TTC23L: variants seen among roughly 807,000 people sequenced by gnomAD.
The protein encoded by TTC23L is tetratricopeptide repeat protein 23-like.
Under a neutral mutation model 48.1 loss-of-function variants are expected in TTC23L, and 42 were observed. The observed-to-expected ratio is 0.87, with a 90% confidence interval of 0.68 to 1.13. The LOEUF is 1.13. TTC23L is among the 50% of genes most tolerant of loss of function. The pLI is 0.00. For missense variants in TTC23L, 391 were observed against 421.0 expected (o/e 0.93, Z 0.62); for synonymous variants, 159 against 157.2 (o/e 1.01, Z -0.09).
intron 9 of TTC23L, among the ~76,000 whole-genome samples, chr5:34,893,402 A>G (rs1762997741): frequency 6.6e-6 from 1 of 152,234 alleles, no homozygotes; most frequent in African/African-American, 2.4e-5. Flanking sequence ...ATGGGCCAGG[A>G]GCTCAAAGAA....
chr5:34,874,940 C>T (rs937551741), intron 8 of TTC23L, among the ~76,000 whole-genome samples: 2 of 152,076 alleles, frequency 1.3e-5, no homozygotes. Context: ...AAACAACGCC[C>T]AACCATATGT....
At chr5:34,873,522 T>C (rs1473957317) in intron 8 of TTC23L, among the ~76,000 whole-genome samples, 2 of 152,046 alleles carry the variant, frequency 1.3e-5, no homozygotes, top group African/African-American at 4.8e-5. Flanking sequence ...TTTGCTGGCA[T>C]TGGAGGCAGA....
At chr5:34,883,881 A>G (rs565986986) in intron 9 of TTC23L, among the ~76,000 whole-genome samples, 1 of 152,334 alleles carries the variant, frequency 6.6e-6, no homozygotes, top group South Asian at 2.1e-4. Flanking sequence ...TTTCTGGAAG[A>G]GGAGGACACA....
chr5:34,908,862 A>T, the TTC23L span: 1 of 1,613,016 alleles, frequency 6.2e-7, no homozygotes, highest in Non-Finnish European at 8.5e-7. Flanking sequence ...CTGTAATGAA[A>T]GGAAGCCTCT....
chr5:34,851,949 A>G (rs992064261), intron 4 of TTC23L, among the ~76,000 whole-genome samples: 2 of 152,200 alleles, frequency 1.3e-5, no homozygotes, highest in African/African-American at 4.8e-5. Context: ...GTTCAGTGGT[A>G]TTGCCATTGA....
the TTC23L span, among the ~76,000 whole-genome samples, chr5:34,911,003 C>T: frequency 2.0e-3 from 301 of 152,290 alleles, no homozygotes; most frequent in Non-Finnish European, 3.5e-3. Flanking sequence ...TACAGCATTT[C>T]CCAGGTATCT....
chr5:34,921,600 G>A, the TTC23L span: 1 of 152,002 alleles, frequency 6.6e-6, no homozygotes, highest in African/African-American at 2.4e-5. Context: ...TTTGTCAATG[G>A]GACTATGGGC....
intron 1 of TTC23L, among the ~76,000 whole-genome samples, chr5:34,840,092 C>T (rs1019009786): frequency 5.9e-5 from 9 of 152,136 alleles, no homozygotes; most frequent in African/African-American, 1.9e-4. Context: ...GGGTTTCACC[C>T]TGTTGGCCAG....
chr5:34,851,810 G>C (rs1377751309), intron 4 of TTC23L, among the ~76,000 whole-genome samples: 1 of 152,154 alleles, frequency 6.6e-6, no homozygotes, highest in Non-Finnish European at 1.5e-5. Context: ...CTTGTTATAA[G>C]CCTGGTGGCA....
At chr5:34,889,220 C>T (rs1762709577) in intron 9 of TTC23L, among the ~76,000 whole-genome samples, 1 of 152,142 alleles carries the variant, frequency 6.6e-6, no homozygotes, top group Non-Finnish European at 1.5e-5. Flanking sequence ...TTAATGTAAT[C>T]CTCACAAATA....
chr5:34,846,598 T>C (rs529334074), intron 3 of TTC23L, among the ~76,000 whole-genome samples: 1,546 of 127,216 alleles, frequency 0.012, 268 homozygotes, highest in African/African-American at 0.042. Flanking sequence ...TATATATATA[T>C]ATACACACAC....
At chr5:34,910,567 A>G in the TTC23L span, among the ~76,000 whole-genome samples, 1 of 151,890 alleles carries the variant, frequency 6.6e-6, no homozygotes, top group Non-Finnish European at 1.5e-5. Flanking sequence ...AGCTGGGATT[A>G]TAGGCACGTG....
chr5:34,913,919 A>G, the TTC23L span: 1 of 456,068 alleles, frequency 2.2e-6, no homozygotes, highest in African/African-American at 2.0e-5. Context: ...GGGTCTCACT[A>G]TGATTACCCA....
chr5:34,839,564 C>A, intron 1 of TTC23L: 1 of 900,198 alleles, frequency 1.1e-6, no homozygotes, highest in Non-Finnish European at 1.3e-6. Context: ...GAACTCTTTG[C>A]TGTGGGCATA....
rs557123199 is a variant in TTC23L at position 34,866,875 on chromosome 5, C to T, written c.663-17C>T. On this transcript the variant is annotated splice_polypyrimidine_tract_variant and intron_variant, in intron 6 of 10. Coordinates refer to ENST00000505624, the Ensembl canonical transcript of TTC23L. Reference sequence around the variant, plus strand: ...TGGCCTCTCTGTGACTTTCTATTTTCATCCCTTTTCTTGCAGAGCCTCCTT... The same window carrying T: ...TGGCCTCTCTGTGACTTTCTATTTTTATCCCTTTTCTTGCAGAGCCTCCTT... 3.2e-6 allele frequency: 5 copies of T among 1,563,924 alleles called. No homozygotes were observed. In the African/African-American group the frequency reaches 6.8e-5, roughly 21 times the overall value.
rs139819239 is a variant in TTC23L, at chr5:34,856,224, A to G, written c.379+5916A>G. ...AGAATCCACAAGTTGAGAATCGCTA[A>G]TCTGAAAATCTGAAATCCAAAATGT... On this transcript the variant is annotated intron_variant, in intron 4 of 10. Transcript: ENST00000505624. 6.3e-3 allele frequency among the ~76,000 whole-genome samples: 962 copies of G among 152,326 alleles called. 14 individuals carry two copies. Among genetic ancestry groups the G allele is most frequent in the African/African-American group, 0.022 (931 of 41,574 alleles).
intron 4 of TTC23L, among the ~76,000 whole-genome samples, chr5:34,856,647 A>G (rs1366731406): frequency 1.3e-5 from 2 of 152,226 alleles, no homozygotes; most frequent in African/African-American, 4.8e-5. Flanking sequence ...GAAGAAACAG[A>G]AAGATTTGGA....
chr5:34,905,033 A>G, the TTC23L span, among the ~76,000 whole-genome samples: 1 of 152,210 alleles, frequency 6.6e-6, no homozygotes, highest in African/African-American at 2.4e-5. Context: ...AAATCTCTGG[A>G]CGTGACTGAG....
the TTC23L span, among the ~76,000 whole-genome samples, chr5:34,910,250 C>G: frequency 6.6e-6 from 1 of 152,046 alleles, no homozygotes; most frequent in African/African-American, 2.4e-5. Context: ...ATCTCGTTAC[C>G]CAGGCTGAGA....
Sources: gnomAD v4.1 joint callset for allele counts (sites outside exome capture counted in the v4.1 genomes callset) on GRCh38, gnomAD v4.1.1 for gene constraint, MANE v1.5 for transcripts, NCBI Gene and HGNC (gene_info 2026-07-23, HGNC 2026-07-21) for gene names.